The following NDST4 variants were observed in gnomAD, a reference collection of about 807,000 sequenced individuals.
The protein encoded by NDST4 is N-deacetylase and N-sulfotransferase 4.
Under a neutral mutation model 100.8 loss-of-function variants are expected in NDST4, and 63 were observed. That is an observed-to-expected ratio of 0.62 (90% CI 0.51 to 0.77). The LOEUF (loss-of-function observed/expected upper bound fraction) is 0.77, where lower values mean the gene tolerates loss of function less well. Among genes scored for constraint, NDST4 ranks in the 30% least tolerant of loss-of-function variants. NDST4 has a pLI of 0.00. For synonymous variants in NDST4, 377 were observed against 361.8 expected, an observed-to-expected ratio of 1.04 and a Z score of -0.48; for missense variants, 943 against 1,018.4, an observed-to-expected ratio of 0.93 and a Z score of 1.01.
chr4:114,960,166 C>T (rs189889077), intron 4 of NDST4, among the ~76,000 whole-genome samples: 8 of 152,208 alleles, frequency 5.3e-5, no homozygotes, highest in Non-Finnish European at 1.0e-4. Flanking sequence ...TCTAGCAAAG[C>T]TATCTTTCAA....
intron 2 of NDST4, among the ~76,000 whole-genome samples, chr4:115,071,125 GAAAAT>G (rs529745019): frequency 8.0e-5 from 12 of 149,642 alleles, no homozygotes; most frequent in South Asian, 4.2e-4. Flanking sequence ...TACTAATAAT[GAAAAT>G]AAAATAAAAA....
intron 2 of NDST4, among the ~76,000 whole-genome samples, chr4:115,054,569 A>G (rs1229794840): frequency 6.6e-6 from 1 of 152,188 alleles, no homozygotes; most frequent in Non-Finnish European, 1.5e-5. Context: ...AGATTTTAAC[A>G]TATATAAGAC....
At chr4:114,942,989 T>C (rs1725781336) in intron 4 of NDST4, among the ~76,000 whole-genome samples, 1 of 148,056 alleles carries the variant, frequency 6.8e-6, no homozygotes, top group African/African-American at 2.5e-5. Context: ...AGAATTTATA[T>C]ATACTGATAT....
At chr4:114,945,521 AC>A (rs1368362367) in intron 4 of NDST4, among the ~76,000 whole-genome samples, 1 of 152,218 alleles carries the variant, frequency 6.6e-6, no homozygotes, top group African/African-American at 2.4e-5. Flanking sequence ...AAGGAAATAA[AC>A]ATATTAAAGA....
At chr4:114,955,822 C>A (rs1237179239) in intron 4 of NDST4, 1 of 152,246 alleles carries the variant, frequency 6.6e-6, no homozygotes, top group African/African-American at 2.4e-5. Context: ...CTGCTCCTTT[C>A]TCTTCCTGCC....
chr4:114,839,433 G>T lies in NDST4; in HGVS notation c.2231C>A (p.Pro744His), dbSNP rs927081385. Reference protein sequence around the residue: ...LKTLQRRCLVPGWYAVHIERW... With the variant: ...LKTLQRRCLVHGWYAVHIERW... ...TTCTATGTGGACTGCATACCATCCA[G>T]GTACTAGGCATCTTCTCTGCAAAGT... Residue 744 changes from proline (P) to histidine (H), a missense_variant, in exon 11 of 14, where the codon CCT (proline) becomes CAT (histidine). Physicochemically the swap from Pro to His is moderately conservative, Grantham distance 77 (BLOSUM62 -2). Transcript: ENST00000264363. 1.5e-5 allele frequency: 25 copies of T among 1,613,880 alleles called. No homozygotes were observed. The highest frequency in any genetic ancestry group is 2.1e-5 in the Non-Finnish European group (25 of 1,179,836).
At chr4:114,939,177 C>T (rs1394999022) in intron 4 of NDST4, among the ~76,000 whole-genome samples, 2 of 152,150 alleles carry the variant, frequency 1.3e-5, no homozygotes, top group Non-Finnish European at 2.9e-5. Flanking sequence ...GATAAGCAAT[C>T]CTCCAGCATC....
At chr4:115,071,681 A>T (rs116815860) in intron 2 of NDST4, among the ~76,000 whole-genome samples, 1,690 of 152,200 alleles carry the variant, frequency 0.011, 15 homozygotes, top group African/African-American at 0.02. Context: ...GAATTGGGGT[A>T]GAGTTTGAAG....
rs767144118 is a variant in NDST4 at position 114,848,236 on chromosome 4, T to C, written c.1919A>G (p.Asn640Ser). The C allele has an allele frequency of 6.2e-7, 1 of 1,608,814 alleles. No individual in the cohort carries two copies. The highest frequency in any genetic ancestry group is 8.5e-7 in the Non-Finnish European group (1 of 1,178,406). ...TTACCAGTCTATTCCTTTGTGATAG[T>C]TGTTGCCATTAAAGAACTGAACTTC... Reference protein sequence around the residue: ...FEEVQFFNGNNYHKGIDWYMD... With the variant: ...FEEVQFFNGNSYHKGIDWYMD... The change falls in exon 9 of 14, where the codon AAC becomes AGC. Residue 640 changes from asparagine (N) to serine (S), a missense_variant. By Grantham distance (46) the Asn-to-Ser change is conservative (BLOSUM62 1). Coordinates refer to ENST00000264363, the MANE Select transcript of NDST4 (RefSeq NM_022569.3).
At chr4:115,018,627 G>A (rs1435777469) in intron 2 of NDST4, among the ~76,000 whole-genome samples, 3 of 151,814 alleles carry the variant, frequency 2.0e-5, no homozygotes, top group Non-Finnish European at 4.4e-5. Context: ...CATTGTCAAG[G>A]ACCTTGGGCA....
intron 2 of NDST4, among the ~76,000 whole-genome samples, chr4:115,063,810 G>A (rs73848374): frequency 0.037 from 5,613 of 151,672 alleles, 352 homozygotes; most frequent in African/African-American, 0.13. Flanking sequence ...CTCAGACTTT[G>A]CTAGCTTCTT....
intron 2 of NDST4, among the ~76,000 whole-genome samples, chr4:115,051,732 A>C (rs1483199610): frequency 6.6e-6 from 1 of 152,032 alleles, no homozygotes; most frequent in Non-Finnish European, 1.5e-5. Context: ...GGGAGTGTAG[A>C]TATCTTTTCA....
intron 2 of NDST4, among the ~76,000 whole-genome samples, chr4:114,983,651 T>C (rs536833522): frequency 6.6e-6 from 1 of 152,278 alleles, no homozygotes; most frequent in African/African-American, 2.4e-5. Context: ...AGACTTAGAC[T>C]TTTGGGTTAA....
intron 2 of NDST4, among the ~76,000 whole-genome samples, chr4:115,034,500 A>T (rs1156343717): frequency 6.6e-6 from 1 of 152,138 alleles, no homozygotes; most frequent in Non-Finnish European, 1.5e-5. Flanking sequence ...TAATTAATAA[A>T]CATTTACAAC....
At chr4:115,081,760 C>T (rs1473203621) in intron 1 of NDST4, among the ~76,000 whole-genome samples, 1 of 152,154 alleles carries the variant, frequency 6.6e-6, no homozygotes. Flanking sequence ...CAGGAAGACC[C>T]TGGGACAAGT....
At chr4:114,974,783 G>A (rs1429666291) in intron 3 of NDST4, among the ~76,000 whole-genome samples, 1 of 152,086 alleles carries the variant, frequency 6.6e-6, no homozygotes, top group African/African-American at 2.4e-5. Flanking sequence ...AGCATGTGAA[G>A]GACAGAGAAA....
chr4:115,111,883 A>T lies in NDST4; in HGVS notation c.-247+1561T>A, dbSNP rs947690297. On this transcript the variant is annotated intron_variant, in intron 1 of 13. Coordinates refer to ENST00000264363, the MANE Select transcript of NDST4 (RefSeq NM_022569.3). ...ATGTAAACATTGTTTAATATTGATC[A>T]TCATAATGTATTGTCATACGATTTC... Among the ~76,000 whole-genome samples, 44 of 151,992 alleles carry T rather than the reference A, an allele frequency of 2.9e-4. 1 individual carries two copies. The highest frequency in any genetic ancestry group is 2.5e-3 in the Admixed American group (38 of 15,212).
intron 4 of NDST4, among the ~76,000 whole-genome samples, chr4:114,968,836 C>T (rs1336766985): frequency 1.3e-5 from 2 of 152,142 alleles, no homozygotes; most frequent in East Asian, 1.9e-4. Context: ...TCCAGCCCCT[C>T]GTCTAGAGCA....
At chr4:114,855,076 C>G (rs1166818951) in intron 7 of NDST4, among the ~76,000 whole-genome samples, 1 of 151,880 alleles carries the variant, frequency 6.6e-6, no homozygotes. Flanking sequence ...ATTTGTATAT[C>G]TTCTTTTGAG....
Sources: gnomAD v4.1 joint callset for allele counts (sites outside exome capture counted in the v4.1 genomes callset) on GRCh38, gnomAD v4.1.1 for gene constraint, MANE v1.5 for transcripts, NCBI Gene and HGNC (gene_info 2026-07-23, HGNC 2026-07-21) for gene names.